The following ERBB4 variants were observed in gnomAD, a reference collection of about 807,000 sequenced individuals.
ERBB4 encodes the protein erb-b2 receptor tyrosine kinase 4.
A neutral mutation model predicts 158.0 loss-of-function variants in ERBB4; 42 were observed. The ratio of observed to expected loss-of-function variants is 0.27; its 90% CI spans 0.21 to 0.34. ERBB4 has a LOEUF of 0.34. Ranked by LOEUF, ERBB4 falls within the 10% of genes least tolerant of loss-of-function variation. The probability of loss-of-function intolerance (pLI) is 1.00; values close to 1 mark genes in which losing one functional copy is unlikely to be tolerated. For synonymous variants in ERBB4, 583 were observed against 558.7 expected (o/e 1.04, Z -0.61); for missense variants, 1,333 against 1,624.1 (o/e 0.82, Z 3.08).
intron 20 of ERBB4, among the ~76,000 whole-genome samples, chr2:211,465,567 T>C (rs2064659677): frequency 6.6e-6 from 1 of 152,118 alleles, no homozygotes; most frequent in African/African-American, 2.4e-5. Flanking sequence ...CACTTACTTT[T>C]GAAGCCTAAA....
At position 212,125,008 on chromosome 2, in the gene ERBB4, C is replaced by T. The variant is rs1347915886; in HGVS notation, c.83-105G>A. 3.8e-6 allele frequency: 5 copies of T among 1,330,496 alleles called. 1 individual carries two copies. The highest frequency in any genetic ancestry group is 3.7e-5 in the South Asian group (3 of 81,776). The allele number at this position is 1,330,496 out of a possible 1,614,324, so 82.4% of individuals were successfully genotyped here. A position where few individuals can be genotyped will look rare whatever the true frequency, so the allele number is the denominator to read the frequency against. ...TCTATTCCACAAGCCTATCCCAGTT[C>T]TCTGAATATAAATATTTCGATCGTC... is the stretch of plus-strand genomic sequence containing the variant. On this transcript the variant is annotated intron_variant, in intron 1 of 27. Coordinates refer to ENST00000342788, the MANE Select transcript of ERBB4 (RefSeq NM_005235.3).
At chr2:211,744,479 C>A (rs1022137288) in intron 5 of ERBB4, among the ~76,000 whole-genome samples, 4 of 152,152 alleles carry the variant, frequency 2.6e-5, no homozygotes, top group Admixed American at 6.6e-5. Flanking sequence ...TGTTTAAAAC[C>A]TCTGGCCTCC....
At chr2:211,828,996 C>T (rs1388523963) in intron 3 of ERBB4, among the ~76,000 whole-genome samples, 1 of 152,142 alleles carries the variant, frequency 6.6e-6, no homozygotes, top group Non-Finnish European at 1.5e-5. Context: ...GAGAGAAACT[C>T]AGTTGCATAA....
chr2:211,612,015 G>C (rs2069219537), intron 19 of ERBB4, among the ~76,000 whole-genome samples: 5 of 152,062 alleles, frequency 3.3e-5, no homozygotes, highest in Admixed American at 3.3e-4. Flanking sequence ...CAAAACGGAA[G>C]GTCTAGTTCT....
chr2:211,789,882 G>A (rs913302748), intron 3 of ERBB4, among the ~76,000 whole-genome samples: 41 of 151,992 alleles, frequency 2.7e-4, no homozygotes, highest in Admixed American at 2.3e-3. Context: ...TTGCATGTAC[G>A]AAACCCTCCA....
intron 1 of ERBB4, among the ~76,000 whole-genome samples, chr2:212,165,913 T>G (rs1169671289): frequency 6.6e-6 from 1 of 152,090 alleles, no homozygotes; most frequent in Admixed American, 6.6e-5. Context: ...TTCATAACAC[T>G]TTAATTTTTG....
intron 3 of ERBB4, among the ~76,000 whole-genome samples, chr2:211,917,328 G>C (rs1260104669): frequency 6.6e-6 from 1 of 150,536 alleles, no homozygotes; most frequent in Non-Finnish European, 1.5e-5. Flanking sequence ...AAAAAAAAAT[G>C]ACGTATTTTC....
chr2:212,398,120 G>T (rs901539064), intron 1 of ERBB4, among the ~76,000 whole-genome samples: 2 of 128,796 alleles, frequency 1.6e-5, no homozygotes, highest in Admixed American at 1.5e-4. Flanking sequence ...GTGTGTGTGT[G>T]TGTATATATA....
In ERBB4 at chr2:211,433,583, A is replaced by AT. The variant is rs1482665417; in HGVS notation, c.2488-2484_2488-2483insA. ...GCAACAGAGTGAGACTCTCAAAAAA[A>AT]AATAAAATAAAATAAAAAAAGGGGA... On this transcript the variant is annotated intron_variant, in intron 20 of 27. Transcript: ENST00000342788. 2.0e-5 allele frequency among the ~76,000 whole-genome samples: 3 copies of AT among 149,654 alleles called. No homozygotes were observed. The East Asian group carries it at 5.8e-4, about 29-fold the overall frequency.
intron 1 of ERBB4, among the ~76,000 whole-genome samples, chr2:212,407,484 A>C (rs995391261): frequency 6.6e-6 from 1 of 152,082 alleles, no homozygotes; most frequent in Non-Finnish European, 1.5e-5. Context: ...GTAAATGACA[A>C]AGCCAGGGTT....
At chr2:212,142,280 T>A (rs1156709849) in intron 1 of ERBB4, among the ~76,000 whole-genome samples, 1 of 152,134 alleles carries the variant, frequency 6.6e-6, no homozygotes, top group Non-Finnish European at 1.5e-5. Flanking sequence ...CTCTGTTTTG[T>A]TCATTACTAT....
chr2:211,618,601 G>A (rs2069480646), intron 19 of ERBB4, among the ~76,000 whole-genome samples: 1 of 152,014 alleles, frequency 6.6e-6, no homozygotes, highest in African/African-American at 2.4e-5. Flanking sequence ...TAACCTTGGG[G>A]TAACCTTGGG....
chr2:211,978,402 C>CTATCTATA (rs2081689718), intron 2 of ERBB4, among the ~76,000 whole-genome samples: 1 of 148,528 alleles, frequency 6.7e-6, no homozygotes, highest in African/African-American at 2.6e-5. Context: ...GTCTGTCTAT[C>CTATCTATA]TATCTATCTA....
chr2:211,854,698 G>C (rs1462538794), intron 3 of ERBB4, among the ~76,000 whole-genome samples: 1 of 152,010 alleles, frequency 6.6e-6, no homozygotes, highest in Non-Finnish European at 1.5e-5. Context: ...AGTATTCTAT[G>C]TGTGCCTATA....
intron 2 of ERBB4, among the ~76,000 whole-genome samples, chr2:211,979,409 T>C (rs1365526808): frequency 1.3e-5 from 2 of 152,344 alleles, no homozygotes; most frequent in South Asian, 2.1e-4. Context: ...TGAGGTATAA[T>C]ATAAGGTTAA....
intron 2 of ERBB4, among the ~76,000 whole-genome samples, chr2:212,111,982 A>T (rs1327193811): frequency 1.3e-5 from 2 of 152,162 alleles, no homozygotes; most frequent in Non-Finnish European, 2.9e-5. Flanking sequence ...AAGAGTTGGC[A>T]GTCAGTAAAC....
chr2:211,657,099 ACTT>A (rs2071243967), intron 16 of ERBB4, among the ~76,000 whole-genome samples: 1 of 152,196 alleles, frequency 6.6e-6, no homozygotes, highest in African/African-American at 2.4e-5. Flanking sequence ...TAAATAATAA[ACTT>A]CTGCAAATTC....
rs2062697791 is a variant in ERBB4 at position 211,386,951 on chromosome 2, T to C, written c.3383A>G (p.Tyr1128Cys). Residue 1128 changes from tyrosine (Y) to cysteine (C), a missense_variant, in exon 27 of 28, where the codon TAC (tyrosine) becomes TGC (cysteine). By Grantham distance (194) the Tyr-to-Cys change is radical. This residue lies in a region of ERBB4 where 252 missense variants were observed against 241.3 expected (regional missense o/e 1.04). Coordinates refer to ENST00000342788, the MANE Select transcript of ERBB4 (RefSeq NM_005235.3). ...HVQEDSSTQRYSADPTVFAPE... is the reference protein window; with the variant it reads ...HVQEDSSTQRCSADPTVFAPE... Reference sequence around the variant, plus strand: ...GGCAAACACGGTGGGGTCAGCACTGTACCTCTGGGTGCTACTGTCCTCTTG... The same window carrying C: ...GGCAAACACGGTGGGGTCAGCACTGCACCTCTGGGTGCTACTGTCCTCTTG... 1 of 1,614,142 alleles carries C rather than the reference T, an allele frequency of 6.2e-7. No homozygotes were observed. Among genetic ancestry groups the C allele is most frequent in the Non-Finnish European group, 8.5e-7 (1 of 1,179,982 alleles).
intron 26 of ERBB4, 105 bp from the exon 27 acceptor site, chr2:211,387,255 G>T: frequency 1.0e-6 from 1 of 982,728 alleles, no homozygotes; most frequent in Non-Finnish European, 1.6e-6. Context: ...TCAGAGAATA[G>T]TCATAGTATT....
Sources: allele counts gnomAD v4.1 joint callset (sites outside exome capture counted in the v4.1 genomes callset), GRCh38; gene constraint gnomAD v4.1.1; regional missense constraint gnomAD v4.1.1; transcripts MANE v1.5; gene names NCBI Gene and HGNC (gene_info 2026-07-23, HGNC 2026-07-21).